The following PCDH9 variants were observed in gnomAD, a reference collection of about 807,000 sequenced individuals.
PCDH9 encodes protocadherin-9.
In PCDH9, 24 loss-of-function variants were observed where a neutral mutation model predicts 70.6. That is an observed-to-expected ratio of 0.34 (90% confidence interval 0.25 to 0.48). The LOEUF (loss-of-function observed/expected upper bound fraction) is 0.48, where lower values mean the gene tolerates loss of function less well. PCDH9 is among the 20% of genes least tolerant of loss of function. The pLI is 0.99. For missense variants in PCDH9, 1,281 were observed against 1,503.6 expected (o/e 0.85, Z 2.45); for synonymous variants, 562 against 558.5 (o/e 1.01, Z -0.09).
intron 4 of PCDH9, among the ~76,000 whole-genome samples, chr13:66,365,456 T>C (rs7319883): frequency 0.45 from 68,478 of 151,992 alleles, 16,613 homozygotes; most frequent in East Asian, 0.62. Flanking sequence ...CTGTGAAAAA[T>C]ATGACTTCCA....
chr13:66,811,150 A>T (rs1566209732), intron 3 of PCDH9, among the ~76,000 whole-genome samples: 1 of 152,202 alleles, frequency 6.6e-6, no homozygotes, highest in Non-Finnish European at 1.5e-5. Flanking sequence ...CAGTAAAAAA[A>T]TTGTTAAAAC....
intron 2 of PCDH9, among the ~76,000 whole-genome samples, chr13:67,035,362 C>T (rs2084988618): frequency 6.6e-6 from 1 of 151,930 alleles, no homozygotes; most frequent in Non-Finnish European, 1.5e-5. Context: ...CAATTTTTAT[C>T]TATGGCATTT....
chr13:66,551,300 T>G (rs1367738032), intron 4 of PCDH9, among the ~76,000 whole-genome samples: 1 of 152,086 alleles, frequency 6.6e-6, no homozygotes, highest in Non-Finnish European at 1.5e-5. Context: ...TGAAGCACAA[T>G]GCATTTCACT....
chr13:67,096,229 C>T (rs1417409490), intron 2 of PCDH9, among the ~76,000 whole-genome samples: 6 of 152,106 alleles, frequency 3.9e-5, no homozygotes, highest in Non-Finnish European at 5.9e-5. Context: ...TCACAGAATG[C>T]ACTTTCCTTA....
chr13:66,397,105 C>T (rs145854424), intron 4 of PCDH9, among the ~76,000 whole-genome samples: 40 of 152,168 alleles, frequency 2.6e-4, no homozygotes, highest in African/African-American at 7.5e-4. Flanking sequence ...TGTCTAAAAA[C>T]GGTAACAACA....
intron 4 of PCDH9, among the ~76,000 whole-genome samples, chr13:66,607,017 A>G (rs961861470): frequency 6.6e-6 from 1 of 152,096 alleles, no homozygotes; most frequent in Non-Finnish European, 1.5e-5. Flanking sequence ...GAATCTACTT[A>G]TATTCAAAAT....
chr13:66,587,005 C>CA (rs2076971485), intron 4 of PCDH9, among the ~76,000 whole-genome samples: 1 of 151,948 alleles, frequency 6.6e-6, no homozygotes, highest in Non-Finnish European at 1.5e-5. Context: ...AATATATTAT[C>CA]ACTGCGAGTA....
chr13:67,196,942 C>G (rs1175559226), intron 2 of PCDH9, among the ~76,000 whole-genome samples: 2 of 151,872 alleles, frequency 1.3e-5, no homozygotes, highest in South Asian at 2.1e-4. Flanking sequence ...ACTCTTTTTA[C>G]TAGTTTATTT....
intron 4 of PCDH9, among the ~76,000 whole-genome samples, chr13:66,398,324 T>C (rs550905679): frequency 4.6e-5 from 7 of 152,272 alleles, no homozygotes; most frequent in South Asian, 2.1e-4. Context: ...TGCATGTATT[T>C]AGAAATTCTG....
chr13:67,047,154 G>T (rs1163451575), intron 2 of PCDH9, among the ~76,000 whole-genome samples: 1 of 150,160 alleles, frequency 6.7e-6, no homozygotes, highest in Admixed American at 6.7e-5. Flanking sequence ...AGTGCCAAAA[G>T]CAGCTAAAAT....
chr13:66,380,726 G>T (rs1335636029), intron 4 of PCDH9, among the ~76,000 whole-genome samples: 1 of 151,948 alleles, frequency 6.6e-6, no homozygotes, highest in Non-Finnish European at 1.5e-5. Context: ...TGTATTTTTA[G>T]TGGAGACGGG....
chr13:66,326,043 G>T (rs1254840858), intron 4 of PCDH9, among the ~76,000 whole-genome samples: 1 of 152,060 alleles, frequency 6.6e-6, no homozygotes, highest in African/African-American at 2.4e-5. Context: ...CCAGTTTCGG[G>T]TTGTTTCATA....
intron 2 of PCDH9, among the ~76,000 whole-genome samples, chr13:67,085,069 T>TA (rs1377469114): frequency 6.9e-6 from 1 of 143,932 alleles, no homozygotes; most frequent in Non-Finnish European, 1.5e-5. Flanking sequence ...ATTTGCTGAT[T>TA]AGAAGCTACA....
rs77214075 is a variant in PCDH9, at chr13:66,828,359, T to C, written c.3138+75145A>G. Among the ~76,000 whole-genome samples, 551 of 152,158 alleles carry C rather than the reference T, an allele frequency of 3.6e-3. 21 individuals carry two copies. The East Asian group carries it at 0.084, about 23-fold the overall frequency. On this transcript the variant is annotated intron_variant, in intron 3 of 4. Transcript: ENST00000377865. ...GAAGAGTGACATGAATTTATAACCATAAAAAATAAACCTCTAAAAAATACT... is the reference window on the plus strand; with the variant it reads ...GAAGAGTGACATGAATTTATAACCACAAAAAATAAACCTCTAAAAAATACT...
At chr13:66,792,601 A>C (rs1288747634) in intron 3 of PCDH9, among the ~76,000 whole-genome samples, 1 of 152,190 alleles carries the variant, frequency 6.6e-6, no homozygotes, top group African/African-American at 2.4e-5. Flanking sequence ...CCCAGATGGC[A>C]GAGGTTTCAG....
In PCDH9 at chr13:66,531,298, G is replaced by T. The variant is rs528888955; in HGVS notation, c.3340+99912C>A. ...TATTTTGAGACTGGGAGGATGCATCGCTTTATTCCTATCGAGTACAAGAAA... is the reference window on the plus strand; with the variant it reads ...TATTTTGAGACTGGGAGGATGCATCTCTTTATTCCTATCGAGTACAAGAAA... On this transcript the variant is annotated intron_variant, in intron 4 of 4. Coordinates refer to ENST00000377865, the MANE Select transcript of PCDH9 (RefSeq NM_203487.3). 2.0e-5 allele frequency among the ~76,000 whole-genome samples: 3 copies of T among 152,022 alleles called. 1 individual carries two copies. In the South Asian group the frequency reaches 6.3e-4, roughly 32 times the overall value.
chr13:66,939,881 C>G (rs1482603697), intron 2 of PCDH9, among the ~76,000 whole-genome samples: 1 of 151,966 alleles, frequency 6.6e-6, no homozygotes, highest in Non-Finnish European at 1.5e-5. Flanking sequence ...TCTTTGGGAA[C>G]GAGAGAGGTC....
intron 2 of PCDH9, chr13:67,217,981 T>C (rs1231402203): frequency 6.6e-6 from 1 of 152,094 alleles, no homozygotes; most frequent in Non-Finnish European, 1.5e-5. Flanking sequence ...TGTTTCTGCA[T>C]TTGGAAAAAA....
chr13:66,712,384 G>A (rs895400292), intron 3 of PCDH9, among the ~76,000 whole-genome samples: 1 of 152,002 alleles, frequency 6.6e-6, no homozygotes, highest in African/African-American at 2.4e-5. Flanking sequence ...GATAGTGTTA[G>A]TTTTGATAGT....
Sources: gnomAD v4.1 joint callset for allele counts (sites outside exome capture counted in the v4.1 genomes callset) on GRCh38, gnomAD v4.1.1 for gene constraint, MANE v1.5 for transcripts, NCBI Gene and HGNC (gene_info 2026-07-23, HGNC 2026-07-21) for gene names.